PRKN: variants seen among roughly 807,000 people sequenced by gnomAD.
PRKN encodes E3 ubiquitin-protein ligase parkin.
Under a neutral mutation model 59.5 loss-of-function variants are expected in PRKN, and 56 were observed. The ratio of observed to expected loss-of-function variants is 0.94; its 90% confidence interval spans 0.76 to 1.18. PRKN has a LOEUF of 1.18. PRKN is among the 50% of genes most tolerant of loss of function. The pLI is 0.00. For missense variants in PRKN, 657 were observed against 596.4 expected (o/e 1.10, Z -1.06); for synonymous variants, 250 against 222.1 (o/e 1.13, Z -1.12).
At chr6:162,050,293 G>A (rs1777579491) in intron 5 of PRKN, among the ~76,000 whole-genome samples, 1 of 152,084 alleles carries the variant, frequency 6.6e-6, no homozygotes, top group South Asian at 2.1e-4. Flanking sequence ...TTTTAGGTAT[G>A]TCTTTTGTAA....
intron 4 of PRKN, among the ~76,000 whole-genome samples, chr6:162,080,138 G>A (rs867312091): frequency 1.2e-4 from 19 of 152,096 alleles, no homozygotes; most frequent in Non-Finnish European, 1.6e-4. Context: ...ATTAGAACCC[G>A]GTGAATCGAG....
At chr6:162,152,842 T>C (rs2128314103) in intron 4 of PRKN, among the ~76,000 whole-genome samples, 1 of 152,312 alleles carries the variant, frequency 6.6e-6, no homozygotes, top group South Asian at 2.1e-4. Flanking sequence ...CATATATGTG[T>C]GTGCTGGATC....
chr6:162,095,603 ATCC>A (rs1373947415), intron 4 of PRKN, among the ~76,000 whole-genome samples: 17 of 152,276 alleles, frequency 1.1e-4, no homozygotes, highest in African/African-American at 4.1e-4. Flanking sequence ...ATAACTCACA[ATCC>A]TGTGCAATGT....
intron 1 of PRKN, among the ~76,000 whole-genome samples, chr6:162,513,557 GA>G (rs1777721579): frequency 6.6e-6 from 1 of 152,018 alleles, no homozygotes; most frequent in Admixed American, 6.6e-5. Flanking sequence ...GACAGAGAAA[GA>G]AGGAAGGAAA....
At chr6:161,519,858 C>T (rs568873036) in intron 9 of PRKN, among the ~76,000 whole-genome samples, 9 of 150,590 alleles carry the variant, frequency 6.0e-5, no homozygotes, top group African/African-American at 2.0e-4. Flanking sequence ...CCTGCCCACA[C>T]CCAGGACCAG....
chr6:161,370,448 C>T (rs1228882357), intron 10 of PRKN, among the ~76,000 whole-genome samples: 5 of 149,986 alleles, frequency 3.3e-5, no homozygotes, highest in African/African-American at 4.9e-5. Context: ...AAAAATTAGC[C>T]GGGCGTGGTG....
intron 2 of PRKN, among the ~76,000 whole-genome samples, chr6:162,291,395 G>A: frequency 6.6e-6 from 1 of 150,794 alleles, no homozygotes; most frequent in Non-Finnish European, 1.5e-5. Flanking sequence ...CATGTCACAA[G>A]AGGGATGGGT....
At chr6:162,177,439 AATGAG>A (rs1315808176) in intron 4 of PRKN, among the ~76,000 whole-genome samples, 1 of 152,210 alleles carries the variant, frequency 6.6e-6, no homozygotes, top group Non-Finnish European at 1.5e-5. Flanking sequence ...AGTGTTATAT[AATGAG>A]AGTGCATTGC....
chr6:162,252,449 C>T (rs1412868199), intron 3 of PRKN, among the ~76,000 whole-genome samples: 1 of 152,180 alleles, frequency 6.6e-6, no homozygotes, highest in African/African-American at 2.4e-5. Flanking sequence ...CAAACTTCTC[C>T]CACTGCTATG....
intron 1 of PRKN, among the ~76,000 whole-genome samples, chr6:162,495,394 T>G (rs1440373898): frequency 6.6e-6 from 1 of 152,144 alleles, no homozygotes; most frequent in East Asian, 1.9e-4. Flanking sequence ...TCTCAAATAT[T>G]TTGAAATGGT....
chr6:162,520,765 T>A (rs1037434615), intron 1 of PRKN, among the ~76,000 whole-genome samples: 17 of 151,968 alleles, frequency 1.1e-4, no homozygotes, highest in Non-Finnish European at 2.2e-4. Flanking sequence ...ATTCAAATTT[T>A]TAAATGGAAA....
At position 162,027,112 on chromosome 6, in the gene PRKN, C is replaced by A. The variant is rs139194987; in HGVS notation, c.618+26979G>T. 3.4e-3 allele frequency among the ~76,000 whole-genome samples: 522 copies of A among 152,282 alleles called. 2 individuals are homozygous for A. Among genetic ancestry groups the A allele is most frequent in the African/African-American group, 0.012 (492 of 41,546 alleles). On this transcript the variant is annotated intron_variant, in intron 5 of 11. Coordinates refer to ENST00000366898, the MANE Select transcript of PRKN (RefSeq NM_004562.3). ...TGGGCTTCTAACTTCAGAACCCTCA[C>A]TTATGACCTCTCTACAAATTCTGCT...
intron 7 of PRKN, among the ~76,000 whole-genome samples, chr6:161,655,866 GCACACACACA>G (rs1346269118): frequency 7.3e-6 from 1 of 136,408 alleles, no homozygotes; most frequent in African/African-American, 2.6e-5. Flanking sequence ...CAACACACAT[GCACACACACA>G]CACACACATA....
In PRKN at chr6:162,685,023, A is replaced by G. The variant is rs145136702; in HGVS notation, c.7+42639T>C. ...AATTTATATATATTGCATCTACTGT[A>G]TTAAGTCTGCAGCAGGACTGGACAT... On this transcript the variant is annotated intron_variant, in intron 1 of 11. Transcript: ENST00000366898. Among the ~76,000 whole-genome samples, 588 of 152,338 alleles carry G rather than the reference A, an allele frequency of 3.9e-3. 2 individuals are homozygous for G. Among genetic ancestry groups the G allele is most frequent in the Admixed American group, 6.1e-3 (93 of 15,292 alleles).
At chr6:162,286,326 G>A (rs1370959353) in intron 2 of PRKN, among the ~76,000 whole-genome samples, 1 of 152,038 alleles carries the variant, frequency 6.6e-6, no homozygotes, top group African/African-American at 2.4e-5. Context: ...AATCTTTATA[G>A]CCGTGAGCCT....
rs1050337861 is a variant in PRKN at position 161,385,590 on chromosome 6, T to C, written c.1167+1204A>G. Among the ~76,000 whole-genome samples, 2 of 152,224 alleles carry C rather than the reference T, an allele frequency of 1.3e-5. No individual in the cohort carries two copies. Among genetic ancestry groups the C allele is most frequent in the Non-Finnish European group, 1.5e-5 (1 of 68,036 alleles). ...ACTGTTTCCAAATAAATACTGTAGATGCCAGAGTATCACTTTGTGGAAGCC... is the reference window on the plus strand; with the variant it reads ...ACTGTTTCCAAATAAATACTGTAGACGCCAGAGTATCACTTTGTGGAAGCC... On this transcript the variant is annotated intron_variant, in intron 10 of 11. Transcript: ENST00000366898. The surrounding 1 kb of genome is among the most constrained non-coding windows in gnomAD (Gnocchi z 4.9).
intron 3 of PRKN, among the ~76,000 whole-genome samples, chr6:162,235,342 A>G (rs1216241117): frequency 6.6e-6 from 1 of 152,148 alleles, no homozygotes; most frequent in Non-Finnish European, 1.5e-5. Flanking sequence ...TTGAATATCT[A>G]TGTGACTTGC....
rs869253616 is a variant in PRKN at position 161,680,775 on chromosome 6, A to ATTTTTTTTT, written c.871+104988_871+104996dup. Among the ~76,000 whole-genome samples, 42 of 30,604 alleles carry ATTTTTTTTT rather than the reference A, an allele frequency of 1.4e-3. 1 individual carries two copies. Among genetic ancestry groups the ATTTTTTTTT allele is most frequent in the Middle Eastern group, 0.017 (1 of 60 alleles). 20.1% of individuals were successfully genotyped at this position (30,604 alleles called of 152,430 possible). On this transcript the variant is annotated intron_variant, in intron 7 of 11. Transcript: ENST00000366898. ...TATATATATATATATATATATATAT[A>ATTTTTTTTT]TTTTTTTTTTTTTTTCTTTTCCTAA...
intron 9 of PRKN, among the ~76,000 whole-genome samples, chr6:161,474,088 G>T (rs1487269613): frequency 6.6e-6 from 1 of 152,152 alleles, no homozygotes; most frequent in Non-Finnish European, 1.5e-5. Flanking sequence ...AGCATGATCA[G>T]TTTACTCTTT....
Sources: gnomAD v4.1 joint callset for allele counts (sites outside exome capture counted in the v4.1 genomes callset) on GRCh38, gnomAD v4.1.1 for gene constraint, Gnocchi (gnomAD v3.1) non-coding constraint, MANE v1.5 for transcripts, NCBI Gene and HGNC (gene_info 2026-07-23, HGNC 2026-07-21) for gene names.